The following MYO5B variants were observed in gnomAD, a reference collection of about 807,000 sequenced individuals.
The protein encoded by MYO5B is unconventional myosin-Vb.
A neutral mutation model predicts 229.3 loss-of-function variants in MYO5B; 143 were observed. The observed-to-expected ratio is 0.62, with a 90% CI of 0.54 to 0.72. The LOEUF (loss-of-function observed/expected upper bound fraction) is 0.72. Ranked by LOEUF, MYO5B falls within the 30% of genes least tolerant of loss-of-function variation. The probability of loss-of-function intolerance (pLI) is 0.00; values close to 1 mark genes in which losing one functional copy is unlikely to be tolerated. For missense variants in MYO5B, 2,321 were observed against 2,331.0 expected (o/e 1.00, Z 0.09); for synonymous variants, 918 against 885.2 (o/e 1.04, Z -0.66).
intron 1 of MYO5B, among the ~76,000 whole-genome samples, chr18:50,087,527 C>G (rs1396628773): frequency 1.4e-5 from 2 of 145,780 alleles, no homozygotes. Flanking sequence ...GAGGTGAGAT[C>G]GTGCCACTGC....
intron 4 of MYO5B, among the ~76,000 whole-genome samples, chr18:50,024,753 C>A (rs1252865641): frequency 6.6e-6 from 1 of 152,146 alleles, no homozygotes; most frequent in Non-Finnish European, 1.5e-5. Context: ...TGCCTGCAGA[C>A]CTTTCTGCAG....
At chr18:50,048,632 G>A (rs1016866951) in intron 2 of MYO5B, among the ~76,000 whole-genome samples, 8 of 152,152 alleles carry the variant, frequency 5.3e-5, no homozygotes, top group East Asian at 1.9e-4. Context: ...AGGGAGCTAC[G>A]AACCATGGCG....
chr18:49,931,107 A>G lies in MYO5B; in HGVS notation c.2004-1509T>C, dbSNP rs192455311. Among the ~76,000 whole-genome samples, 757 of 152,298 alleles carry G rather than the reference A, an allele frequency of 5.0e-3. 8 individuals carry two copies. Among genetic ancestry groups the G allele is most frequent in the African/African-American group, 0.016 (677 of 41,550 alleles). The stretch of plus-strand genomic sequence containing the variant: ...CTGTCCTGCAGCTCAGCTGGAGCTA[A>G]GAGTCATGCTTCTTTTCCTCCTTTC... On this transcript the variant is annotated intron_variant, in intron 16 of 39. Coordinates refer to ENST00000285039, the MANE Select transcript of MYO5B (RefSeq NM_001080467.3).
At chr18:50,041,367 ATCAATGT>A (rs1318987121) in intron 2 of MYO5B, among the ~76,000 whole-genome samples, 2 of 152,220 alleles carry the variant, frequency 1.3e-5, no homozygotes, top group African/African-American at 2.4e-5. Context: ...TAATATAAAT[ATCAATGT>A]TCCTCTCACC....
chr18:49,916,829 G>A (rs1261204923), intron 17 of MYO5B, among the ~76,000 whole-genome samples: 1 of 152,216 alleles, frequency 6.6e-6, no homozygotes, highest in Non-Finnish European at 1.5e-5. Flanking sequence ...GGATTTCTGT[G>A]AGAAAACAAA....
At position 49,824,125 on chromosome 18, in the gene MYO5B, C is replaced by T. The variant is rs1174457151; in HGVS notation, c.*2346G>A. On this transcript the variant is annotated 3_prime_UTR_variant, in exon 40 of 40. Transcript: ENST00000285039. ...AAGAGTCATTACTGATTTCATGACA[C>T]TGATAAATGTTTGAATTGAAATGAT... 6.6e-6 allele frequency: 1 copy of T among 152,472 alleles called. No homozygotes were observed. Among genetic ancestry groups the T allele is most frequent in the African/African-American group, 2.4e-5 (1 of 41,434 alleles). 9.4% of individuals were successfully genotyped at this position (152,472 alleles called of 1,614,324 possible). A position where few individuals can be genotyped will look rare whatever the true frequency, so the allele number is the denominator to read the frequency against.
chr18:50,174,263 T>G (rs1295866751), intron 1 of MYO5B, among the ~76,000 whole-genome samples: 1 of 152,164 alleles, frequency 6.6e-6, no homozygotes, highest in Non-Finnish European at 1.5e-5. Flanking sequence ...ATGTGGAACT[T>G]AATTCCTTTG....
intron 1 of MYO5B, among the ~76,000 whole-genome samples, chr18:50,131,017 C>G (rs2032246220): frequency 6.6e-6 from 1 of 152,190 alleles, no homozygotes; most frequent in Non-Finnish European, 1.5e-5. Flanking sequence ...GAATGTGCAG[C>G]AAGCCTCTTC....
intron 13 of MYO5B, among the ~76,000 whole-genome samples, chr18:49,953,965 G>GT (rs1268008057): frequency 9.5e-6 from 1 of 105,672 alleles, no homozygotes; most frequent in East Asian, 2.5e-4. Context: ...GTGTGTGTGT[G>GT]TATGTGTGTG....
At chr18:49,984,676 T>A in intron 8 of MYO5B, 42 bp downstream of exon 8, 1 of 1,465,904 alleles carries the variant, frequency 6.8e-7, no homozygotes, top group Non-Finnish European at 9.6e-7. Flanking sequence ...CTCCGTGCCA[T>A]CAGCCCTCGG....
intron 1 of MYO5B, among the ~76,000 whole-genome samples, chr18:50,077,583 A>G (rs1240412664): frequency 6.6e-6 from 1 of 151,538 alleles, no homozygotes; most frequent in South Asian, 2.1e-4. Context: ...GGAATGTTGC[A>G]TCTCCCACTC....
chr18:50,195,107 G>C lies in MYO5B; in HGVS notation c.-314C>G, dbSNP rs1016155823. ...GAGGGCCGGCGAGGAGGGAGGACCCGCTCGCGTCAGAGCGGACGGCCCGTG... is the reference window on the plus strand; with the variant it reads ...GAGGGCCGGCGAGGAGGGAGGACCCCCTCGCGTCAGAGCGGACGGCCCGTG... On this transcript the variant is annotated 5_prime_UTR_variant, in exon 1 of 40. Coordinates refer to ENST00000285039, the MANE Select transcript of MYO5B (RefSeq NM_001080467.3). 1 of 247,022 alleles carries C rather than the reference G, an allele frequency of 4.0e-6. No homozygotes were observed. The highest frequency in any genetic ancestry group is 7.7e-6 in the Non-Finnish European group (1 of 130,148). The allele number at this position is 247,022 out of a possible 1,614,324, so 15.3% of individuals were successfully genotyped here. A position where few individuals can be genotyped will look rare whatever the true frequency, so the allele number is the denominator to read the frequency against.
intron 4 of MYO5B, among the ~76,000 whole-genome samples, chr18:50,019,708 C>T (rs1488790764): frequency 2.0e-5 from 3 of 152,150 alleles, no homozygotes; most frequent in African/African-American, 4.8e-5. Context: ...TTAGAATGAG[C>T]GCAAGACTGG....
At chr18:49,937,140 A>T (rs531001525) in intron 15 of MYO5B, 105 bp downstream of exon 15, 1 of 1,402,962 alleles carries the variant, frequency 7.1e-7, no homozygotes, top group East Asian at 2.3e-5. Flanking sequence ...ACTGATGTCA[A>T]GGCTGCTGTG....
chr18:50,103,026 C>G (rs921266467), intron 1 of MYO5B, among the ~76,000 whole-genome samples: 3 of 152,036 alleles, frequency 2.0e-5, no homozygotes, highest in African/African-American at 4.8e-5. Context: ...GCTCTTGAAA[C>G]AGGCTCTGCT....
At chr18:49,843,150 T>G in intron 34 of MYO5B, 91 bp downstream of exon 34, 1 of 1,552,706 alleles carries the variant, frequency 6.4e-7, no homozygotes, top group Non-Finnish European at 8.9e-7. Flanking sequence ...GAGCATTCAC[T>G]ACAGCCAAAC....
At chr18:50,065,125 G>A (rs1369182279) in intron 1 of MYO5B, among the ~76,000 whole-genome samples, 2 of 152,056 alleles carry the variant, frequency 1.3e-5, no homozygotes, top group Non-Finnish European at 2.9e-5. Flanking sequence ...TCTCCAATTA[G>A]TCAAACACCT....
chr18:50,149,654 C>G (rs2144300715), intron 1 of MYO5B, among the ~76,000 whole-genome samples: 1 of 150,190 alleles, frequency 6.7e-6, no homozygotes, highest in South Asian at 2.1e-4. Flanking sequence ...GAAACTGGAT[C>G]CCTTCCTTAC....
intron 1 of MYO5B, among the ~76,000 whole-genome samples, chr18:50,153,540 T>C (rs1027950307): frequency 1.3e-5 from 2 of 152,188 alleles, no homozygotes; most frequent in Admixed American, 1.3e-4. Context: ...AGCCTCCGCC[T>C]CCCGGGTTCA....
Sources: gnomAD v4.1 joint callset for allele counts (sites outside exome capture counted in the v4.1 genomes callset) on GRCh38, gnomAD v4.1.1 for gene constraint, MANE v1.5 for transcripts, NCBI Gene and HGNC (gene_info 2026-07-23, HGNC 2026-07-21) for gene names.